FAM120A: variants seen among roughly 807,000 people sequenced by gnomAD.
The protein encoded by FAM120A is constitutive coactivator of PPAR-gamma-like protein 1.
A neutral mutation model predicts 109.7 loss-of-function variants in FAM120A; 15 were observed. The ratio of observed to expected loss-of-function variants is 0.14; its 90% CI spans 0.09 to 0.21. FAM120A has a LOEUF of 0.21. Among genes scored for constraint, FAM120A ranks in the 10% least tolerant of loss-of-function variants. The probability of loss-of-function intolerance (pLI) is 1.00; values close to 1 mark genes in which losing one functional copy is unlikely to be tolerated. For synonymous variants in FAM120A, 493 were observed against 572.8 expected (o/e 0.86, Z 1.99); for missense variants, 899 against 1,439.3 (o/e 0.62, Z 6.07).
chr9:93,537,400 C>T (rs917185498), intron 10 of FAM120A, among the ~76,000 whole-genome samples: 6 of 152,172 alleles, frequency 3.9e-5, no homozygotes, highest in Non-Finnish European at 1.5e-5. Context: ...AAGTAAAGCT[C>T]AGTGATTCGC....
intron 9 of FAM120A, chr9:93,530,015 T>C (rs962943320): frequency 3.3e-6 from 1 of 301,076 alleles, no homozygotes; most frequent in Non-Finnish European, 6.2e-6. Flanking sequence ...CTCATAGTGC[T>C]TCATGTGTTT....
intron 1 of FAM120A, among the ~76,000 whole-genome samples, chr9:93,469,240 C>T (rs958713966): frequency 1.3e-5 from 2 of 152,186 alleles, no homozygotes; most frequent in Admixed American, 6.5e-5. Context: ...CTCTGAACTC[C>T]CTGCTGATGG....
At chr9:93,515,187 A>T (rs1369707116) in intron 5 of FAM120A, among the ~76,000 whole-genome samples, 1 of 152,284 alleles carries the variant, frequency 6.6e-6, no homozygotes, top group Non-Finnish European at 1.5e-5. Context: ...ACCTAATGGT[A>T]GTTGCAATGT....
At chr9:93,489,321 T>C (rs1859209748) in intron 3 of FAM120A, among the ~76,000 whole-genome samples, 3 of 152,230 alleles carry the variant, frequency 2.0e-5, no homozygotes, top group Non-Finnish European at 4.4e-5. Context: ...TATGCATCCT[T>C]AGGGCACAGC....
chr9:93,460,257 A>G (rs1339175455), intron 1 of FAM120A, among the ~76,000 whole-genome samples: 1 of 152,252 alleles, frequency 6.6e-6, no homozygotes, highest in Non-Finnish European at 1.5e-5. Flanking sequence ...AATTTTCTAA[A>G]TAAAACAGGC....
chr9:93,458,310 TCC>T (rs1857643138), intron 1 of FAM120A, among the ~76,000 whole-genome samples: 1 of 151,432 alleles, frequency 6.6e-6, no homozygotes, highest in Non-Finnish European at 1.5e-5. Context: ...CCACCGTCTG[TCC>T]CCTGCTTGCC....
At chr9:93,465,845 G>T (rs1857990363) in intron 1 of FAM120A, among the ~76,000 whole-genome samples, 1 of 152,070 alleles carries the variant, frequency 6.6e-6, no homozygotes, top group Admixed American at 6.6e-5. Context: ...CTGTCTTCTG[G>T]GGCAGCTTTT....
chr9:93,550,373 T>C (rs1239299001), intron 11 of FAM120A, among the ~76,000 whole-genome samples: 1 of 152,380 alleles, frequency 6.6e-6, no homozygotes, highest in African/African-American at 2.4e-5. Context: ...TTAATTATTC[T>C]AAAGTAAAAC....
At chr9:93,548,114 AT>A (rs201973622) in intron 11 of FAM120A, among the ~76,000 whole-genome samples, 6 of 150,900 alleles carry the variant, frequency 4.0e-5, no homozygotes, top group South Asian at 4.2e-4. Flanking sequence ...AAAAAAAAAA[AT>A]TTTTTTTTGA....
chr9:93,524,919 C>T (rs888921680), intron 7 of FAM120A, among the ~76,000 whole-genome samples: 4 of 152,088 alleles, frequency 2.6e-5, no homozygotes, highest in African/African-American at 4.8e-5. Flanking sequence ...GTCTGGTTTA[C>T]GTACATGGTT....
At chr9:93,518,724 A>G (rs759060669) in intron 7 of FAM120A, among the ~76,000 whole-genome samples, 2 of 152,108 alleles carry the variant, frequency 1.3e-5, no homozygotes, top group Non-Finnish European at 2.9e-5. Flanking sequence ...GGGCAGGAAA[A>G]CTGGGAGAAA....
At chr9:93,481,616 G>T (rs1394738716) in intron 3 of FAM120A, among the ~76,000 whole-genome samples, 1 of 152,170 alleles carries the variant, frequency 6.6e-6, no homozygotes, top group Non-Finnish European at 1.5e-5. Context: ...TGATGGCCAA[G>T]TATTCCCAAC....
At chr9:93,481,629 C>T (rs1858812172) in intron 3 of FAM120A, among the ~76,000 whole-genome samples, 1 of 152,228 alleles carries the variant, frequency 6.6e-6, no homozygotes, top group African/African-American at 2.4e-5. Context: ...TTCCCAACCA[C>T]TGAGCCCTTC....
In FAM120A at chr9:93,566,110, A is replaced by G. The variant is rs1564365283; in HGVS notation, c.*1570A>G. On this transcript the variant is annotated 3_prime_UTR_variant, in exon 18 of 18. Coordinates refer to ENST00000277165, the MANE Select transcript of FAM120A (RefSeq NM_014612.5). Reference sequence around the variant, plus strand: ...ATAAAAATCTTTATTCTTTTAGTATAAAGTATGGCGTGGCTTTTAAATTCA... The same window carrying G: ...ATAAAAATCTTTATTCTTTTAGTATGAAGTATGGCGTGGCTTTTAAATTCA... The G allele has an allele frequency of 6.6e-6, 1 of 152,664 alleles. No homozygotes were observed. The highest frequency in any genetic ancestry group is 1.5e-5 in the Non-Finnish European group (1 of 68,044). 9.5% of individuals were successfully genotyped at this position (152,664 alleles called of 1,614,324 possible).
intron 10 of FAM120A, among the ~76,000 whole-genome samples, chr9:93,542,163 G>T (rs1489322593): frequency 6.6e-6 from 1 of 152,204 alleles, no homozygotes; most frequent in African/African-American, 2.4e-5. Flanking sequence ...TACAGACACT[G>T]GCCTTGGAGT....
chr9:93,532,365 G>A lies in FAM120A; in HGVS notation c.1909+36G>A, dbSNP rs761381521. ...TAACAATCCATTGTTTGTTTTCCTCGGTACCTCGTAATCTCTTGTGCATTT... is the reference window on the plus strand; with the variant it reads ...TAACAATCCATTGTTTGTTTTCCTCAGTACCTCGTAATCTCTTGTGCATTT... On this transcript the variant is annotated intron_variant, in intron 10 of 17. Transcript: ENST00000277165. The surrounding 1 kb of genome is among the most constrained non-coding windows in gnomAD (Gnocchi z 4.3). 33 of 1,605,002 alleles carry A rather than the reference G, an allele frequency of 2.1e-5. No individual in the cohort carries two copies. Among genetic ancestry groups the A allele is most frequent in the Non-Finnish European group, 2.6e-5 (31 of 1,172,072 alleles).
chr9:93,461,060 C>A (rs1857772789), intron 1 of FAM120A, among the ~76,000 whole-genome samples: 1 of 152,158 alleles, frequency 6.6e-6, no homozygotes, highest in Non-Finnish European at 1.5e-5. Context: ...TTGAACTTGA[C>A]CCACTGCAGT....
At chr9:93,550,766 C>A in intron 12 of FAM120A, 75 bp downstream of exon 12, 1 of 1,032,416 alleles carries the variant, frequency 9.7e-7, no homozygotes, top group Non-Finnish European at 1.5e-6. Context: ...TAACTTTCAA[C>A]AGGCAGAATT....
rs111426556 is a variant in FAM120A at position 93,475,576 on chromosome 9, C to T, written c.722-680C>T. Among the ~76,000 whole-genome samples, 1,020 of 152,208 alleles carry T rather than the reference C, an allele frequency of 6.7e-3. 16 individuals carry two copies. The highest frequency in any genetic ancestry group is 0.033 in the South Asian group (158 of 4,822). On this transcript the variant is annotated intron_variant, in intron 2 of 17. Coordinates refer to ENST00000277165, the MANE Select transcript of FAM120A (RefSeq NM_014612.5). The stretch of plus-strand genomic sequence containing the variant: ...CTAAAGATCAGGTATACCAGGCATA[C>T]GAACATTATTATGAAAGTAGAGTAT...
Sources: allele counts gnomAD v4.1 joint callset (sites outside exome capture counted in the v4.1 genomes callset), GRCh38; gene constraint gnomAD v4.1.1; non-coding constraint Gnocchi (gnomAD v3.1); transcripts MANE v1.5; gene names NCBI Gene and HGNC (gene_info 2026-07-23, HGNC 2026-07-21).